NEK1: variants seen among roughly 807,000 people sequenced by gnomAD.
The protein encoded by NEK1 is NIMA related kinase 1.
Under a neutral mutation model 182.1 loss-of-function variants are expected in NEK1, and 137 were observed. The ratio of observed to expected loss-of-function variants is 0.75; its 90% CI spans 0.65 to 0.87. The LOEUF (loss-of-function observed/expected upper bound fraction) is 0.87. Ranked by LOEUF, NEK1 falls within the 40% of genes least tolerant of loss-of-function variation. The pLI, the probability that NEK1 is intolerant of heterozygous loss-of-function variation, is 0.00. For missense variants in NEK1, 1,391 were observed against 1,494.4 expected, an observed-to-expected ratio of 0.93 and a Z score of 1.14; for synonymous variants, 513 against 492.2, an observed-to-expected ratio of 1.04 and a Z score of -0.56.
intron 29 of NEK1, among the ~76,000 whole-genome samples, chr4:169,429,506 A>C (rs1737024854): frequency 6.6e-6 from 1 of 152,112 alleles, no homozygotes; most frequent in African/African-American, 2.4e-5. Context: ...CCTCACATAC[A>C]TTTGATATGT....
At chr4:169,432,175 C>T (rs1022900837) in intron 29 of NEK1, among the ~76,000 whole-genome samples, 3 of 152,028 alleles carry the variant, frequency 2.0e-5, no homozygotes, top group Admixed American at 1.3e-4. Context: ...AAGAGCTAGA[C>T]AAACTAACAG....
At chr4:169,434,698 G>A (rs1175611889) in intron 28 of NEK1, among the ~76,000 whole-genome samples, 3 of 152,030 alleles carry the variant, frequency 2.0e-5, no homozygotes, top group Non-Finnish European at 4.4e-5. Context: ...ACTTCCCCTG[G>A]AATACAGACA....
At chr4:169,480,963 A>T (rs1379348068) in intron 23 of NEK1, among the ~76,000 whole-genome samples, 5 of 152,188 alleles carry the variant, frequency 3.3e-5, no homozygotes, top group African/African-American at 1.2e-4. Flanking sequence ...AGTCATCTCA[A>T]ACCCTGCTGT....
In NEK1 at chr4:169,522,027, A is replaced by T. The variant is rs6815251; in HGVS notation, c.1666-13175T>A. ...TGAAGATACAATGTTAAATTTTTGT[A>T]TTGTCCTATAAATTCTTGGGACTGA... On this transcript the variant is annotated intron_variant, in intron 19 of 35. Coordinates refer to ENST00000507142, the MANE Select transcript of NEK1 (RefSeq NM_001199397.3). Among the ~76,000 whole-genome samples the T allele has an allele frequency of 9.2e-3, 1,399 of 152,236 alleles. 25 individuals carry two copies. Among genetic ancestry groups the T allele is most frequent in the African/African-American group, 0.032 (1,317 of 41,534 alleles).
chr4:169,410,966 T>G (rs1733569154), intron 31 of NEK1, among the ~76,000 whole-genome samples: 1 of 152,226 alleles, frequency 6.6e-6, no homozygotes, highest in African/African-American at 2.4e-5. Context: ...CTTCCTGTTC[T>G]CTTTCTCAGA....
At chr4:169,604,273 A>G (rs1309333886) in intron 2 of NEK1, among the ~76,000 whole-genome samples, 1 of 152,216 alleles carries the variant, frequency 6.6e-6, no homozygotes, top group East Asian at 1.9e-4. Context: ...GGTCATTAGT[A>G]TCTTTAGGAA....
intron 27 of NEK1, among the ~76,000 whole-genome samples, chr4:169,438,970 T>A (rs1289839948): frequency 1.3e-5 from 2 of 152,090 alleles, no homozygotes; most frequent in East Asian, 3.8e-4. Flanking sequence ...CCCTCTAATC[T>A]CTAACACTCA....
At chr4:169,547,022 C>T (rs914636173) in intron 18 of NEK1, among the ~76,000 whole-genome samples, 8 of 152,132 alleles carry the variant, frequency 5.3e-5, no homozygotes, top group Non-Finnish European at 8.8e-5. Context: ...CATTATGATG[C>T]TAGCTGGTTA....
At chr4:169,590,881 G>A (rs1408690981) in intron 5 of NEK1, 72 bp from the exon 6 acceptor site, 1 of 987,598 alleles carries the variant, frequency 1.0e-6, no homozygotes, top group East Asian at 2.6e-5. Flanking sequence ...TTAGGGATGA[G>A]AGGAACTAAA....
intron 33 of NEK1, among the ~76,000 whole-genome samples, chr4:169,401,439 A>T (rs1048964943): frequency 4.6e-5 from 7 of 152,326 alleles, no homozygotes; most frequent in Admixed American, 2.0e-4. Context: ...AAAAGCATTG[A>T]CATAATAGGA....
chr4:169,557,116 T>C (rs144052100), intron 16 of NEK1, among the ~76,000 whole-genome samples: 2 of 151,996 alleles, frequency 1.3e-5, no homozygotes, highest in Non-Finnish European at 2.9e-5. Context: ...ATATTATGCA[T>C]GGTAAGCAGA....
intron 23 of NEK1, among the ~76,000 whole-genome samples, chr4:169,506,349 T>C (rs1344292169): frequency 6.6e-6 from 1 of 152,220 alleles, no homozygotes; most frequent in Non-Finnish European, 1.5e-5. Context: ...TATATAAGAA[T>C]TTAATAAATC....
rs372078603 is a variant in NEK1, at chr4:169,467,906, GTTATT to G, written c.2435-4516_2435-4512del. Among the ~76,000 whole-genome samples the G allele has an allele frequency of 8.7e-4, 132 of 152,098 alleles. 1 individual carries two copies. The highest frequency in any genetic ancestry group is 3.1e-3 in the African/African-American group (130 of 41,502). ...AATGATCTAAACATACCAGTTAAAA[GTTATT>G]TTAAAGGATTAAAAATGAATTTAAC... On this transcript the variant is annotated intron_variant, in intron 26 of 35. Coordinates refer to ENST00000507142, the MANE Select transcript of NEK1 (RefSeq NM_001199397.3).
intron 2 of NEK1, among the ~76,000 whole-genome samples, chr4:169,608,139 A>ACACACAC (rs1553961017): frequency 4.6e-5 from 7 of 151,674 alleles, no homozygotes; most frequent in African/African-American, 1.2e-4. Context: ...ACACACACAC[A>ACACACAC]AAGAAGAAGA....
chr4:169,599,504 T>G (rs377724496), intron 4 of NEK1, among the ~76,000 whole-genome samples: 1 of 152,232 alleles, frequency 6.6e-6, no homozygotes, highest in East Asian at 1.9e-4. Flanking sequence ...TTTCATTCAA[T>G]AAATACAATT....
intron 27 of NEK1, 116 bp downstream of exon 27, chr4:169,463,127 T>G (rs1230805101): frequency 1.5e-5 from 9 of 596,524 alleles, no homozygotes; most frequent in Non-Finnish European, 2.3e-5. Flanking sequence ...TAAAAAATTA[T>G]TATAAGAGAA....
chr4:169,578,707 T>C (rs1307601388), intron 11 of NEK1, among the ~76,000 whole-genome samples: 1 of 152,174 alleles, frequency 6.6e-6, no homozygotes, highest in East Asian at 1.9e-4. Context: ...TTATAATAAA[T>C]ATCTATTTTG....
At chr4:169,489,342 T>C (rs1425651923) in intron 23 of NEK1, among the ~76,000 whole-genome samples, 1 of 152,094 alleles carries the variant, frequency 6.6e-6, no homozygotes, top group East Asian at 1.9e-4. Flanking sequence ...ATCAGCAGGA[T>C]GGCAAATTAC....
Position 169,577,790 on chromosome 4 carries a change from A to G in NEK1, c.869-711T>C, listed in dbSNP as rs564273301. Among the ~76,000 whole-genome samples, 9 of 152,006 alleles carry G rather than the reference A, an allele frequency of 5.9e-5. 1 individual carries two copies. The highest frequency in any genetic ancestry group is 2.2e-4 in the African/African-American group (9 of 41,534). ...TAATAATAATAATAATAGTTTTTAA[A>G]AAATTCACATTTTAGAAACTACTTT... On this transcript the variant is annotated intron_variant, in intron 11 of 35. Coordinates refer to ENST00000507142, the MANE Select transcript of NEK1 (RefSeq NM_001199397.3).
Sources: gnomAD v4.1 joint callset for allele counts (sites outside exome capture counted in the v4.1 genomes callset) on GRCh38, gnomAD v4.1.1 for gene constraint, MANE v1.5 for transcripts, NCBI Gene and HGNC (gene_info 2026-07-23, HGNC 2026-07-21) for gene names.